Variants in CSMD2 observed in about 807,000 individuals in gnomAD.
CSMD2 encodes the protein CUB and Sushi multiple domains 2, also known as CUB and sushi domain-containing protein 2.
A neutral mutation model predicts 398.5 loss-of-function variants in CSMD2; 130 were observed. The observed-to-expected ratio is 0.33, with a 90% confidence interval of 0.28 to 0.38. CSMD2 has a LOEUF of 0.38. CSMD2 is among the 10% of genes least tolerant of loss of function. CSMD2 has a pLI of 1.00. For synonymous variants in CSMD2, 1,828 were observed against 1,908.5 expected, an observed-to-expected ratio of 0.96 and a Z score of 1.10; for missense variants, 3,829 against 4,764.9, an observed-to-expected ratio of 0.80 and a Z score of 5.78.
Position 34,087,612 on chromosome 1 carries a change from T to TATAATAATA in CSMD2, c.404+1356_404+1364dup, listed in dbSNP as rs71717621. Among the ~76,000 whole-genome samples, 1,163 of 138,328 alleles carry TATAATAATA rather than the reference T, an allele frequency of 8.4e-3. 7 individuals are homozygous for TATAATAATA. Among genetic ancestry groups the TATAATAATA allele is most frequent in the Non-Finnish European group, 0.01 (649 of 64,752 alleles). 90.7% of individuals were successfully genotyped at this position (138,328 alleles called of 152,430 possible). On this transcript the variant is annotated intron_variant, in intron 2 of 70. Transcript: ENST00000373381. ...TGCACAAGTATCCCAGAACTTAAAGTATAATAATAATAATAATAATAATAA... is the reference window on the plus strand; with the variant it reads ...TGCACAAGTATCCCAGAACTTAAAGTATAATAATAATAATAATAATAATAATAATAATAA...
At chr1:33,814,895 A>G (rs1335087046) in intron 9 of CSMD2, among the ~76,000 whole-genome samples, 2 of 151,986 alleles carry the variant, frequency 1.3e-5, no homozygotes, top group Non-Finnish European at 2.9e-5. Flanking sequence ...CATCCCATCT[A>G]TTGATCCTCG....
chr1:33,986,765 G>A (rs6699984), intron 3 of CSMD2, among the ~76,000 whole-genome samples: 26,688 of 152,104 alleles, frequency 0.18, 3,264 homozygotes, highest in East Asian at 0.56. Context: ...CACCTGGAGC[G>A]TAACTCAGGG....
chr1:33,826,714 C>T (rs182284516), intron 6 of CSMD2, among the ~76,000 whole-genome samples: 2 of 152,300 alleles, frequency 1.3e-5, no homozygotes, highest in East Asian at 1.9e-4. Context: ...TTCCAAAGGC[C>T]ATTCCTCTGT....
At chr1:34,022,893 G>T (rs764089537) in intron 3 of CSMD2, among the ~76,000 whole-genome samples, 13 of 152,068 alleles carry the variant, frequency 8.5e-5, no homozygotes, top group Admixed American at 3.9e-4. Flanking sequence ...GTGCAGTGGC[G>T]CAATCACAGC....
intron 5 of CSMD2, among the ~76,000 whole-genome samples, chr1:33,866,866 A>C (rs1217180351): frequency 6.6e-6 from 1 of 152,268 alleles, no homozygotes; most frequent in Non-Finnish European, 1.5e-5. Flanking sequence ...TTATCTGTGC[A>C]AGGAGGATAA....
chr1:34,165,285 C>T, upstream of CSMD2: 4 of 1,193,384 alleles, frequency 3.4e-6, no homozygotes, highest in Non-Finnish European at 4.2e-6. Flanking sequence ...GGAAATGACT[C>T]GCTCCAATCC....
chr1:33,847,456 T>C (rs1269368700), intron 5 of CSMD2, among the ~76,000 whole-genome samples: 1 of 151,990 alleles, frequency 6.6e-6, no homozygotes, highest in Non-Finnish European at 1.5e-5. Flanking sequence ...ATTTGGGTTC[T>C]TATCCAGGTT....
intron 12 of CSMD2, among the ~76,000 whole-genome samples, chr1:33,784,376 G>C (rs997222475): frequency 6.6e-6 from 1 of 152,082 alleles, no homozygotes; most frequent in Non-Finnish European, 1.5e-5. Flanking sequence ...TTTTATAGTA[G>C]AGGGGGCTCC....
chr1:34,089,234 A>T, intron 1 of CSMD2, 41 bp from the exon 2 acceptor site: 1 of 1,565,802 alleles, frequency 6.4e-7, no homozygotes, highest in Non-Finnish European at 8.8e-7. Flanking sequence ...AGCCAGAATA[A>T]CTCCTAGAAG....
intron 64 of CSMD2, among the ~76,000 whole-genome samples, chr1:33,532,716 C>T (rs987317824): frequency 1.1e-4 from 17 of 152,198 alleles, no homozygotes; most frequent in African/African-American, 4.1e-4. Flanking sequence ...CCCAAGGGAC[C>T]TACAGGCGGG....
intron 1 of CSMD2, among the ~76,000 whole-genome samples, chr1:34,126,724 A>G (rs1263491508): frequency 2.0e-5 from 3 of 152,072 alleles, no homozygotes; most frequent in Non-Finnish European, 2.9e-5. Flanking sequence ...GGGGCATCAC[A>G]GCTAGCAAGG....
At chr1:33,818,448 C>T (rs1657724748) in intron 9 of CSMD2, among the ~76,000 whole-genome samples, 1 of 152,164 alleles carries the variant, frequency 6.6e-6, no homozygotes, top group East Asian at 1.9e-4. Context: ...ACTGCTTACA[C>T]ATTCACAACT....
chr1:33,748,178 C>T (rs770469083), intron 13 of CSMD2, among the ~76,000 whole-genome samples: 2 of 152,106 alleles, frequency 1.3e-5, no homozygotes, highest in East Asian at 1.9e-4. Context: ...AGGAAGTGTG[C>T]GTTGTCTTAC....
At chr1:33,811,211 G>A (rs543998178) in intron 9 of CSMD2, among the ~76,000 whole-genome samples, 60 of 152,236 alleles carry the variant, frequency 3.9e-4, no homozygotes, top group Non-Finnish European at 7.2e-4. Flanking sequence ...CATAAAGCTA[G>A]GTGGATCGCA....
chr1:33,884,771 T>A (rs911172588), intron 5 of CSMD2: 1 of 152,322 alleles, frequency 6.6e-6, no homozygotes, highest in Admixed American at 6.5e-5. Flanking sequence ...GGCCTCCATC[T>A]ATCTCTCCAG....
chr1:33,594,456 T>A (rs1163633977), intron 44 of CSMD2, among the ~76,000 whole-genome samples: 2 of 152,222 alleles, frequency 1.3e-5, no homozygotes, highest in Non-Finnish European at 2.9e-5. Flanking sequence ...CTTGTAGATT[T>A]CCCCTACTCC....
chr1:34,139,002 T>A (rs557490630), intron 1 of CSMD2, among the ~76,000 whole-genome samples: 42 of 152,100 alleles, frequency 2.8e-4, no homozygotes, highest in Non-Finnish European at 6.0e-4. Context: ...TAACCAACAC[T>A]CACTCCTAGG....
At chr1:34,081,654 G>A (rs1161118150) in intron 2 of CSMD2, among the ~76,000 whole-genome samples, 2 of 152,176 alleles carry the variant, frequency 1.3e-5, no homozygotes, top group African/African-American at 4.8e-5. Context: ...TCCTGACCTC[G>A]AGTGATCTGC....
At chr1:34,006,739 T>C (rs565168837) in intron 3 of CSMD2, among the ~76,000 whole-genome samples, 11 of 152,278 alleles carry the variant, frequency 7.2e-5, no homozygotes, top group African/African-American at 2.6e-4. Flanking sequence ...TCTTGGGTAC[T>C]AGGCTCAGGA....
Sources: gnomAD v4.1 joint callset for allele counts (sites outside exome capture counted in the v4.1 genomes callset) on GRCh38, gnomAD v4.1.1 for gene constraint, MANE v1.5 for transcripts, NCBI Gene and HGNC (gene_info 2026-07-23, HGNC 2026-07-21) for gene names.